Variants in SLC36A4 observed in about 807,000 individuals in gnomAD.
SLC36A4 encodes the protein neutral amino acid uniporter 4.
SLC36A4 carries 49 observed loss-of-function variants against 50.5 expected under a neutral mutation model. That is an observed-to-expected ratio of 0.97 (90% CI 0.77 to 1.23). SLC36A4 has a LOEUF of 1.23. Ranked by LOEUF, SLC36A4 falls within the 50% of genes most tolerant of loss-of-function variation. The pLI is 0.00. For synonymous variants in SLC36A4, 207 were observed against 206.5 expected (o/e 1.00, Z -0.02); for missense variants, 611 against 608.4 (o/e 1.00, Z -0.05).
At chr11:93,184,574 C>T in intron 2 of SLC36A4, 54 bp from the exon 3 acceptor site, 1 of 1,080,520 alleles carries the variant, frequency 9.3e-7, no homozygotes, top group Non-Finnish European at 1.4e-6. Context: ...TCTATTATAA[C>T]ATGATCATGG....
At chr11:93,195,804 A>G (rs142131381) in intron 1 of SLC36A4, among the ~76,000 whole-genome samples, 15 of 151,972 alleles carry the variant, frequency 9.9e-5, no homozygotes, top group African/African-American at 3.1e-4. Flanking sequence ...TAATTTCCTT[A>G]CCTCTTCCAG....
intron 9 of SLC36A4, among the ~76,000 whole-genome samples, chr11:93,157,194 T>C (rs888872695): frequency 1.3e-5 from 2 of 152,222 alleles, no homozygotes; most frequent in African/African-American, 2.4e-5. Context: ...TTCTGTTCCA[T>C]TGGTCTATGT....
intron 8 of SLC36A4, 53 bp from the exon 9 acceptor site, chr11:93,162,928 AAC>A (rs1860697190): frequency 6.5e-7 from 1 of 1,536,694 alleles, no homozygotes; most frequent in African/African-American, 1.4e-5. Context: ...ATTTAAAAAT[AAC>A]AGTGTCTCTT....
chr11:93,184,759 A>T (rs1283417985), intron 2 of SLC36A4, among the ~76,000 whole-genome samples: 1 of 152,222 alleles, frequency 6.6e-6, no homozygotes, highest in African/African-American at 2.4e-5. Context: ...AATATCCGCC[A>T]AACAAGATAC....
rs1449568983 is a variant in SLC36A4 at position 93,169,353 on chromosome 11, G to A, written c.541-1182C>T. On this transcript the variant is annotated intron_variant, in intron 6 of 10. Coordinates refer to ENST00000326402, the MANE Select transcript of SLC36A4 (RefSeq NM_152313.4). Reference sequence around the variant, plus strand: ...TGGTGGTTCTAGGATTCAAACCTAAGCCTGTGACTCTAGAATTAGCCTGAC... The same window carrying A: ...TGGTGGTTCTAGGATTCAAACCTAAACCTGTGACTCTAGAATTAGCCTGAC... Among the ~76,000 whole-genome samples the A allele has an allele frequency of 1.3e-5, 2 of 151,994 alleles. 1 individual carries two copies. Among genetic ancestry groups the A allele is most frequent in the Non-Finnish European group, 2.9e-5 (2 of 67,992 alleles).
chr11:93,188,174 C>T (rs547640851), intron 1 of SLC36A4, among the ~76,000 whole-genome samples: 6 of 152,256 alleles, frequency 3.9e-5, no homozygotes, highest in South Asian at 2.1e-4. Context: ...TTGATCTCCT[C>T]GCAATGCTAA....
At chr11:93,173,572 G>T in intron 6 of SLC36A4, among the ~76,000 whole-genome samples, 1 of 126,858 alleles carries the variant, frequency 7.9e-6, no homozygotes, top group African/African-American at 3.0e-5. Context: ...GGGTTTTTAT[G>T]GTTTTAGGTC....
At position 93,178,703 on chromosome 11, in the gene SLC36A4, A is replaced by C. The variant is rs184224236; in HGVS notation, c.540+2094T>G. On this transcript the variant is annotated intron_variant, in intron 6 of 10. Coordinates refer to ENST00000326402, the MANE Select transcript of SLC36A4 (RefSeq NM_152313.4). Reference sequence around the variant, plus strand: ...CAGTCACGGGACATACTGTAATGTAATAAAAGCCATCTATGACAAACCCAC... The same window carrying C: ...CAGTCACGGGACATACTGTAATGTACTAAAAGCCATCTATGACAAACCCAC... Among the ~76,000 whole-genome samples the C allele has an allele frequency of 2.9e-3, 440 of 152,332 alleles. 4 individuals are homozygous for C. The highest frequency in any genetic ancestry group is 6.2e-3 in the South Asian group (30 of 4,832).
Position 93,144,428 on chromosome 11 carries a change from A to C in SLC36A4, c.*4109T>G, listed in dbSNP as rs1859810740. On this transcript the variant is annotated 3_prime_UTR_variant, in exon 11 of 11. Coordinates refer to ENST00000326402, the MANE Select transcript of SLC36A4 (RefSeq NM_152313.4). Reference sequence around the variant, plus strand: ...ATATTTTTAGTGTTCTTTTCAAAACAGCATCTTTCTGGACCCAATTTAAAT... The same window carrying C: ...ATATTTTTAGTGTTCTTTTCAAAACCGCATCTTTCTGGACCCAATTTAAAT... 1 of 152,078 alleles carries C rather than the reference A, an allele frequency of 6.6e-6. No individual in the cohort carries two copies. Among genetic ancestry groups the C allele is most frequent in the South Asian group, 2.1e-4 (1 of 4,832 alleles). 9.4% of individuals were successfully genotyped at this position (152,078 alleles called of 1,614,324 possible).
intron 6 of SLC36A4, among the ~76,000 whole-genome samples, chr11:93,172,864 G>T (rs1861242140): frequency 6.8e-6 from 1 of 146,690 alleles, no homozygotes; most frequent in Admixed American, 6.9e-5. Context: ...ATTTGGGTTG[G>T]TTCCAAGTCT....
intron 4 of SLC36A4, among the ~76,000 whole-genome samples, 188 bp downstream of exon 4, chr11:93,182,618 T>A (rs976837518): frequency 1.3e-5 from 2 of 152,106 alleles, no homozygotes; most frequent in African/African-American, 2.4e-5. Context: ...AAGGCTACCT[T>A]TTAAAAATAA....
At chr11:93,175,102 T>C (rs1861393420) in intron 6 of SLC36A4, among the ~76,000 whole-genome samples, 6 of 151,920 alleles carry the variant, frequency 3.9e-5, no homozygotes, top group Admixed American at 2.6e-4. Context: ...TGGTAAACTA[T>C]TGATTATTGC....
chr11:93,174,957 C>T (rs946550055), intron 6 of SLC36A4, among the ~76,000 whole-genome samples: 47 of 150,882 alleles, frequency 3.1e-4, no homozygotes, highest in East Asian at 2.6e-3. Flanking sequence ...TGATGCTGGC[C>T]TCATAAAATG....
At chr11:93,172,535 C>T (rs1343536654) in intron 6 of SLC36A4, among the ~76,000 whole-genome samples, 4 of 150,528 alleles carry the variant, frequency 2.7e-5, no homozygotes, top group Admixed American at 6.6e-5. Context: ...CATGCTGGTG[C>T]GCTGCACCCA....
At chr11:93,163,745 G>A (rs1015095776) in intron 8 of SLC36A4, among the ~76,000 whole-genome samples, 4 of 152,014 alleles carry the variant, frequency 2.6e-5, no homozygotes, top group African/African-American at 9.7e-5. Context: ...TAGTTCTATC[G>A]CCTGGAGGGA....
At position 93,174,154 on chromosome 11, in the gene SLC36A4, G is replaced by T. The variant is rs879803811; in HGVS notation, c.541-5983C>A. Reference sequence around the variant, plus strand: ...GTGGTTTGTAGTTCTCCTTGAAGAGGTCCTTCACATCCCTTGTAAGTTGGA... The same window carrying T: ...GTGGTTTGTAGTTCTCCTTGAAGAGTTCCTTCACATCCCTTGTAAGTTGGA... On this transcript the variant is annotated intron_variant, in intron 6 of 10. Transcript: ENST00000326402. 8.9e-4 allele frequency among the ~76,000 whole-genome samples: 134 copies of T among 149,822 alleles called. 1 individual carries two copies. In the Middle Eastern group the frequency reaches 0.017, roughly 19 times the overall value.
At chr11:93,152,323 G>C (rs1860129236) in intron 10 of SLC36A4, 1 of 152,090 alleles carries the variant, frequency 6.6e-6, no homozygotes. Flanking sequence ...ATCTTTTCAA[G>C]TGCTTTGGAA....
At chr11:93,188,093 C>T (rs1242500652) in intron 1 of SLC36A4, among the ~76,000 whole-genome samples, 1 of 152,224 alleles carries the variant, frequency 6.6e-6, no homozygotes, top group African/African-American at 2.4e-5. Flanking sequence ...CTCCCCCACT[C>T]TCCATGCTTG....
intron 1 of SLC36A4, among the ~76,000 whole-genome samples, chr11:93,187,245 C>G (rs190366244): frequency 4.6e-5 from 7 of 152,100 alleles, no homozygotes; most frequent in African/African-American, 1.7e-4. Flanking sequence ...TCCTAGAGTT[C>G]CTGAAGATAT....
Sources: allele counts gnomAD v4.1 joint callset (sites outside exome capture counted in the v4.1 genomes callset), GRCh38; gene constraint gnomAD v4.1.1; transcripts MANE v1.5; gene names NCBI Gene and HGNC (gene_info 2026-07-23, HGNC 2026-07-21).